Variants in RBFOX3 observed in about 807,000 individuals in gnomAD.
RBFOX3 encodes RNA binding fox-1 homolog 3.
Under a neutral mutation model 48.7 loss-of-function variants are expected in RBFOX3, and 17 were observed. The ratio of observed to expected loss-of-function variants is 0.35; its 90% confidence interval spans 0.24 to 0.52. RBFOX3 has a LOEUF of 0.52. RBFOX3 is among the 20% of genes least tolerant of loss of function. The pLI is 0.94. For missense variants in RBFOX3, 382 were observed against 497.5 expected (o/e 0.77, Z 2.21); for synonymous variants, 212 against 209.5 (o/e 1.01, Z -0.10).
the RBFOX3 span, among the ~76,000 whole-genome samples, chr17:79,665,317 C>T: frequency 6.6e-6 from 1 of 151,096 alleles, no homozygotes; most frequent in African/African-American, 2.4e-5. Context: ...ACATTCTACA[C>T]AAACTTTTAT....
At chr17:79,134,260 CGAA>C (rs1205956577) in intron 4 of RBFOX3, among the ~76,000 whole-genome samples, 1 of 152,228 alleles carries the variant, frequency 6.6e-6, no homozygotes, top group Non-Finnish European at 1.5e-5. Flanking sequence ...TTCCTGGCAA[CGAA>C]GATTACATAA....
intron 3 of RBFOX3, among the ~76,000 whole-genome samples, chr17:79,250,218 C>T (rs2063733787): frequency 6.6e-6 from 1 of 152,192 alleles, no homozygotes; most frequent in Non-Finnish European, 1.5e-5. Flanking sequence ...ACATGGACTT[C>T]TATCACACCC....
intron 4 of RBFOX3, among the ~76,000 whole-genome samples, chr17:79,233,173 A>T (rs2061235568): frequency 6.6e-6 from 1 of 152,262 alleles, no homozygotes; most frequent in Non-Finnish European, 1.5e-5. Flanking sequence ...GGCCAGAACA[A>T]GGAGAAAAGT....
chr17:79,409,483 T>G (rs1465559974), intron 2 of RBFOX3, among the ~76,000 whole-genome samples: 1 of 152,250 alleles, frequency 6.6e-6, no homozygotes, highest in African/African-American at 2.4e-5. Flanking sequence ...TTCCAATGTT[T>G]CCACATCCTC....
chr17:79,319,256 G>A (rs142509938), intron 2 of RBFOX3, among the ~76,000 whole-genome samples: 13 of 152,264 alleles, frequency 8.5e-5, no homozygotes, highest in African/African-American at 1.9e-4. Context: ...AAGAAAAGTC[G>A]CACTGTATCA....
At chr17:79,317,327 G>A (rs2077678800) in intron 2 of RBFOX3, among the ~76,000 whole-genome samples, 1 of 152,254 alleles carries the variant, frequency 6.6e-6, no homozygotes, top group South Asian at 2.1e-4. Context: ...TAAGGAAGTT[G>A]CTATTGATTC....
chr17:79,530,382 G>A (rs902286659), intron 1 of RBFOX3, among the ~76,000 whole-genome samples: 6 of 152,204 alleles, frequency 3.9e-5, no homozygotes, highest in African/African-American at 4.8e-5. Flanking sequence ...TCCACCAACA[G>A]AGCGTTCTTG....
intron 4 of RBFOX3, among the ~76,000 whole-genome samples, chr17:79,224,917 A>T (rs543230934): frequency 4.6e-4 from 70 of 152,362 alleles, no homozygotes; most frequent in African/African-American, 1.6e-3. Context: ...CAGGAAAACT[A>T]TTAGTTATTC....
intron 1 of RBFOX3, among the ~76,000 whole-genome samples, chr17:79,542,646 T>C (rs1403515425): frequency 6.6e-6 from 1 of 152,126 alleles, no homozygotes; most frequent in Non-Finnish European, 1.5e-5. Flanking sequence ...TAGCTGGGCA[T>C]AGTGGTGCAT....
chr17:79,157,697 C>T (rs2046125680), intron 4 of RBFOX3, among the ~76,000 whole-genome samples: 1 of 152,186 alleles, frequency 6.6e-6, no homozygotes, highest in Non-Finnish European at 1.5e-5. Context: ...CATCAACAGT[C>T]CCTCCCAGGC....
intron 12 of RBFOX3, among the ~76,000 whole-genome samples, chr17:79,096,312 T>C (rs968614994): frequency 6.6e-6 from 1 of 152,120 alleles, no homozygotes; most frequent in African/African-American, 2.4e-5. Flanking sequence ...TGTGGGTGCC[T>C]TAGGGGCTCA....
Position 79,252,548 on chromosome 17 carries a change from C to T in RBFOX3, c.-73-16743G>A, listed in dbSNP as rs1421337749. On this transcript the variant is annotated intron_variant, in intron 3 of 14. Transcript: ENST00000693108. This position sits in a 1 kb window ranked among gnomAD's most constrained non-coding sequence, Gnocchi z 4.0. The stretch of plus-strand genomic sequence containing the variant: ...GGCTGGAACAGGGAGGCAGTGGACT[C>T]TCCCTCGGAAATGAGCTCTGATGGT... Among the ~76,000 whole-genome samples, 1 of 152,180 alleles carries T rather than the reference C, an allele frequency of 6.6e-6. No homozygotes were observed. Among genetic ancestry groups the T allele is most frequent in the Non-Finnish European group, 1.5e-5 (1 of 68,044 alleles).
intron 2 of RBFOX3, among the ~76,000 whole-genome samples, chr17:79,378,518 C>T (rs1257053848): frequency 4.6e-5 from 7 of 152,182 alleles, no homozygotes; most frequent in African/African-American, 1.4e-4. Context: ...AACCCGTGGC[C>T]GCCCTTTTGG....
intron 2 of RBFOX3, among the ~76,000 whole-genome samples, chr17:79,315,286 C>T (rs1268220856): frequency 6.6e-6 from 1 of 152,208 alleles, no homozygotes; most frequent in East Asian, 1.9e-4. Context: ...ATCCATGTCT[C>T]CAGGAGGTAG....
intron 1 of RBFOX3, among the ~76,000 whole-genome samples, chr17:79,569,054 A>AT (rs1481171923): frequency 6.6e-6 from 1 of 150,474 alleles, no homozygotes; most frequent in African/African-American, 2.5e-5. Flanking sequence ...GTTTTAGGGG[A>AT]TTTTTTCATT....
chr17:79,197,756 G>A (rs1655544377), intron 4 of RBFOX3, among the ~76,000 whole-genome samples: 1 of 152,050 alleles, frequency 6.6e-6, no homozygotes, highest in South Asian at 2.1e-4. Flanking sequence ...CAGATGGTCG[G>A]GGCTTGTGTC....
intron 1 of RBFOX3, among the ~76,000 whole-genome samples, chr17:79,572,458 C>G (rs2092709402): frequency 6.6e-6 from 1 of 151,980 alleles, no homozygotes; most frequent in Non-Finnish European, 1.5e-5. Flanking sequence ...CGAGGCCGAT[C>G]CCACCCCTCT....
the RBFOX3 span, among the ~76,000 whole-genome samples, chr17:79,617,644 T>G: frequency 2.6e-5 from 4 of 152,224 alleles, no homozygotes; most frequent in Non-Finnish European, 5.9e-5. Flanking sequence ...TCTCTGCTTC[T>G]CCCTAAACAC....
rs990738156 is a variant in RBFOX3, at chr17:79,515,045, T to A, written c.-319-32447A>T. Among the ~76,000 whole-genome samples, 11 of 152,240 alleles carry A rather than the reference T, an allele frequency of 7.2e-5. No individual in the cohort carries two copies. In the East Asian group the frequency reaches 2.1e-3, roughly 29 times the overall value. Reference sequence around the variant, plus strand: ...CGACTCTCCAACACACCTTCGGGTGTCCTGAGGCAGAAGTTGGCCTCTGCC... The same window carrying A: ...CGACTCTCCAACACACCTTCGGGTGACCTGAGGCAGAAGTTGGCCTCTGCC... On this transcript the variant is annotated intron_variant, in intron 1 of 14. Transcript: ENST00000693108.
Sources: allele counts gnomAD v4.1 joint callset (sites outside exome capture counted in the v4.1 genomes callset), GRCh38; gene constraint gnomAD v4.1.1; non-coding constraint Gnocchi (gnomAD v3.1); transcripts MANE v1.5; gene names NCBI Gene and HGNC (gene_info 2026-07-23, HGNC 2026-07-21).